SLC10A7: variants seen among roughly 807,000 people sequenced by gnomAD.
SLC10A7 encodes the protein solute carrier family 10 member 7.
In SLC10A7, 29 loss-of-function variants were observed where a neutral mutation model predicts 43.2. The ratio of observed to expected loss-of-function variants is 0.67; its 90% CI spans 0.50 to 0.92. The LOEUF (loss-of-function observed/expected upper bound fraction) is 0.92, where lower values mean the gene tolerates loss of function less well. SLC10A7 is among the 40% of genes least tolerant of loss of function. The probability of loss-of-function intolerance (pLI) is 0.00; values close to 1 mark genes in which losing one functional copy is unlikely to be tolerated. For synonymous variants in SLC10A7, 152 were observed against 144.8 expected, an observed-to-expected ratio of 1.05 and a Z score of -0.35; for missense variants, 295 against 403.2, an observed-to-expected ratio of 0.73 and a Z score of 2.30.
chr4:146,515,909 CAAAAAAAAAAAA>C (rs57840725), intron 2 of SLC10A7, among the ~76,000 whole-genome samples: 4 of 79,228 alleles, frequency 5.0e-5, no homozygotes, highest in South Asian at 5.4e-4. Context: ...GATTCCATCT[CAAAAAAAAAAAA>C]AAAAAAAAAA....
In SLC10A7 at chr4:146,385,914, C is replaced by T. The variant is rs543826819; in HGVS notation, c.435+56869G>A. 9.8e-5 allele frequency among the ~76,000 whole-genome samples: 15 copies of T among 152,304 alleles called. No individual in the cohort carries two copies. The South Asian group carries it at 3.1e-3, about 32-fold the overall frequency. Reference sequence around the variant, plus strand: ...ATGGCCACAAGCTAAATCCATGTTGCTGCAGAAGTCATGATTTCTTTCCTT... The same window carrying T: ...ATGGCCACAAGCTAAATCCATGTTGTTGCAGAAGTCATGATTTCTTTCCTT... On this transcript the variant is annotated intron_variant, in intron 5 of 11. Transcript: ENST00000335472.
chr4:146,310,245 C>T (rs1340082219), intron 6 of SLC10A7, among the ~76,000 whole-genome samples: 2 of 152,014 alleles, frequency 1.3e-5, no homozygotes, highest in East Asian at 3.9e-4. Context: ...TAGGTTGATT[C>T]CATGTCTTTG....
In SLC10A7 at chr4:146,254,340, T is replaced by C. The variant is rs983701935; in HGVS notation, c.*2151A>G. 5.9e-5 allele frequency: 9 copies of C among 152,122 alleles called. No individual in the cohort carries two copies. The highest frequency in any genetic ancestry group is 1.7e-4 in the African/African-American group (7 of 41,442). 9.4% of individuals were successfully genotyped at this position (152,122 alleles called of 1,614,324 possible). A position where few individuals can be genotyped will look rare whatever the true frequency, so the allele number is the denominator to read the frequency against. On this transcript the variant is annotated 3_prime_UTR_variant, in exon 12 of 12. Transcript: ENST00000335472. ...AGACAAAACAAATGCATAAAACAGA[T>C]AGCTTTACAGTGTATAAACATAACA...
intron 5 of SLC10A7, among the ~76,000 whole-genome samples, chr4:146,355,467 G>A (rs1485131431): frequency 1.3e-5 from 2 of 151,946 alleles, no homozygotes; most frequent in African/African-American, 2.4e-5. Context: ...CAACCATTGT[G>A]GAAGTCAGTG....
intron 6 of SLC10A7, among the ~76,000 whole-genome samples, chr4:146,312,072 C>A (rs148335613): frequency 6.6e-6 from 1 of 152,234 alleles, no homozygotes; most frequent in East Asian, 1.9e-4. Flanking sequence ...CATACTGATT[C>A]AGTTGCATGC....
chr4:146,325,859 G>A lies in SLC10A7; in HGVS notation c.471+102C>T. ...AACTGGAACAACAATTCCAAATATG[G>A]TGCAAAATAATTCAAATTTCATTTT... On this transcript the variant is annotated intron_variant, in intron 6 of 11. Transcript: ENST00000335472. 1.2e-5 allele frequency: 12 copies of A among 1,041,982 alleles called. 1 individual carries two copies. In the South Asian group the frequency reaches 1.7e-4, roughly 15 times the overall value. 64.5% of individuals were successfully genotyped at this position (1,041,982 alleles called of 1,614,324 possible).
chr4:146,388,021 C>T (rs1304991626), intron 5 of SLC10A7, among the ~76,000 whole-genome samples: 2 of 152,080 alleles, frequency 1.3e-5, no homozygotes, highest in Admixed American at 6.5e-5. Flanking sequence ...ACAGATTCAA[C>T]GTAATCCCTA....
chr4:146,277,741 C>T (rs994187751), intron 10 of SLC10A7, among the ~76,000 whole-genome samples: 6 of 152,174 alleles, frequency 3.9e-5, no homozygotes, highest in Middle Eastern at 6.8e-3. Flanking sequence ...TACTGTGAAA[C>T]GGCAATGTGG....
At chr4:146,344,824 A>G (rs1397400674) in intron 5 of SLC10A7, among the ~76,000 whole-genome samples, 1 of 152,156 alleles carries the variant, frequency 6.6e-6, no homozygotes, top group Non-Finnish European at 1.5e-5. Flanking sequence ...TTTCATAAAA[A>G]TGTGCAAATT....
At chr4:146,427,058 A>T (rs1729419313) in intron 5 of SLC10A7, among the ~76,000 whole-genome samples, 1 of 152,218 alleles carries the variant, frequency 6.6e-6, no homozygotes, top group Non-Finnish European at 1.5e-5. Context: ...CTTACTGATT[A>T]TGGCACTAAG....
At chr4:146,362,459 C>T (rs1221396957) in intron 5 of SLC10A7, among the ~76,000 whole-genome samples, 1 of 151,952 alleles carries the variant, frequency 6.6e-6, no homozygotes, top group East Asian at 1.9e-4. Context: ...ATTCAAAATG[C>T]TGAAGGAAAA....
At chr4:146,320,459 T>A (rs1265666899) in intron 6 of SLC10A7, among the ~76,000 whole-genome samples, 2 of 151,310 alleles carry the variant, frequency 1.3e-5, no homozygotes, top group African/African-American at 4.8e-5. Flanking sequence ...GAATTGGCCA[T>A]TCCAGTGAAG....
intron 5 of SLC10A7, among the ~76,000 whole-genome samples, chr4:146,385,431 A>C (rs1053079336): frequency 5.3e-5 from 8 of 152,070 alleles, no homozygotes; most frequent in African/African-American, 1.9e-4. Context: ...TCTAACTCTT[A>C]AGAGGTTCAG....
rs567255110 is a variant in SLC10A7 at position 146,427,888 on chromosome 4, G to A, written c.435+14895C>T. Among the ~76,000 whole-genome samples the A allele has an allele frequency of 2.6e-5, 4 of 152,114 alleles. No individual in the cohort carries two copies. The East Asian group carries it at 7.7e-4, about 29-fold the overall frequency. On this transcript the variant is annotated intron_variant, in intron 5 of 11. Coordinates refer to ENST00000335472, the MANE Select transcript of SLC10A7 (RefSeq NM_001029998.6). ...TTTTTAGGTTATTATTTTAAAAATG[G>A]AGCCAAACGCAGTGGCTCATACCTG...
chr4:146,287,174 C>CCG (rs1578791487), intron 9 of SLC10A7, among the ~76,000 whole-genome samples: 3 of 151,918 alleles, frequency 2.0e-5, no homozygotes, highest in Non-Finnish European at 4.4e-5. Context: ...GTGAGAAGGA[C>CCG]TGTGTCTGGA....
intron 5 of SLC10A7, among the ~76,000 whole-genome samples, chr4:146,347,292 C>T (rs537847200): frequency 6.6e-6 from 1 of 152,258 alleles, no homozygotes; most frequent in Admixed American, 6.5e-5. Context: ...CTCACAGAAG[C>T]TTCATGAAAA....
At chr4:146,470,318 A>G (rs915992562) in intron 4 of SLC10A7, among the ~76,000 whole-genome samples, 1 of 151,810 alleles carries the variant, frequency 6.6e-6, no homozygotes, top group Non-Finnish European at 1.5e-5. Flanking sequence ...ATCCCTAGGT[A>G]TACTACTGAT....
chr4:146,304,043 T>A (rs893383962), intron 7 of SLC10A7, among the ~76,000 whole-genome samples: 1 of 128,318 alleles, frequency 7.8e-6, no homozygotes, highest in South Asian at 2.9e-4. Flanking sequence ...ACTCCAATAC[T>A]GTGGCATCCT....
chr4:146,416,028 T>C (rs1379221793), intron 5 of SLC10A7, among the ~76,000 whole-genome samples: 1 of 152,176 alleles, frequency 6.6e-6, no homozygotes, highest in Non-Finnish European at 1.5e-5. Flanking sequence ...TTGGCTGCTC[T>C]CCCAGACATA....
Sources: gnomAD v4.1 joint callset for allele counts (sites outside exome capture counted in the v4.1 genomes callset) on GRCh38, gnomAD v4.1.1 for gene constraint, MANE v1.5 for transcripts, NCBI Gene and HGNC (gene_info 2026-07-23, HGNC 2026-07-21) for gene names.